ZNF423: variants seen among roughly 807,000 people sequenced by gnomAD.
ZNF423 encodes Ebf-associated zinc finger protein.
ZNF423 carries 12 observed loss-of-function variants against 95.8 expected under a neutral mutation model. That is an observed-to-expected ratio of 0.13 (90% CI 0.08 to 0.20). ZNF423 has a LOEUF of 0.20. ZNF423 is among the 10% of genes least tolerant of loss of function. The pLI is 1.00. For missense variants in ZNF423, 1,316 were observed against 1,737.1 expected, an observed-to-expected ratio of 0.76 and a Z score of 4.31; for synonymous variants, 749 against 711.9, an observed-to-expected ratio of 1.05 and a Z score of -0.83.
intron 2 of ZNF423, among the ~76,000 whole-genome samples, chr16:49,763,466 G>C (rs2033869382): frequency 6.6e-6 from 1 of 151,986 alleles, no homozygotes; most frequent in Non-Finnish European, 1.5e-5. Context: ...CTAGACATGG[G>C]GTTTTGCCTT....
chr16:49,528,109 A>G (rs910239121), intron 5 of ZNF423, among the ~76,000 whole-genome samples: 1 of 152,166 alleles, frequency 6.6e-6, no homozygotes, highest in Admixed American at 6.5e-5. Context: ...TGAGACGGCA[A>G]ACAGGATTTA....
intron 7 of ZNF423, among the ~76,000 whole-genome samples, chr16:49,494,912 A>G (rs1051235323): frequency 5.9e-5 from 9 of 152,222 alleles, no homozygotes; most frequent in African/African-American, 1.2e-4. Flanking sequence ...TAGTTCTCAC[A>G]AGGGCATTCA....
intron 5 of ZNF423, among the ~76,000 whole-genome samples, chr16:49,556,080 T>C (rs1207928392): frequency 6.6e-6 from 1 of 152,074 alleles, no homozygotes; most frequent in African/African-American, 2.4e-5. Context: ...ACTCAACCCA[T>C]CAAAGGGCTG....
At chr16:49,605,402 A>G (rs1435061259) in intron 5 of ZNF423, among the ~76,000 whole-genome samples, 1 of 152,224 alleles carries the variant, frequency 6.6e-6, no homozygotes. Context: ...TCAAAGCCTC[A>G]GCTTCCTGAA....
intron 1 of ZNF423, among the ~76,000 whole-genome samples, chr16:49,826,196 A>G (rs1051659012): frequency 5.3e-5 from 8 of 152,192 alleles, no homozygotes; most frequent in African/African-American, 1.9e-4. Context: ...TGAGTGAAAG[A>G]GCAAGACCCT....
chr16:49,662,002 G>A (rs2151915309), intron 3 of ZNF423, among the ~76,000 whole-genome samples: 1 of 152,306 alleles, frequency 6.6e-6, no homozygotes, highest in Admixed American at 6.5e-5. Flanking sequence ...CATGCTCAAT[G>A]AACAGATCAT....
intron 1 of ZNF423, among the ~76,000 whole-genome samples, chr16:49,849,649 G>T (rs1489890976): frequency 1.3e-5 from 2 of 152,152 alleles, no homozygotes; most frequent in South Asian, 2.1e-4. Flanking sequence ...GACTCTTGAG[G>T]GGGGTGAGGC....
intron 3 of ZNF423, among the ~76,000 whole-genome samples, chr16:49,659,438 A>AC (rs1199471547): frequency 1.3e-5 from 2 of 151,542 alleles, no homozygotes; most frequent in Admixed American, 1.3e-4. Context: ...CTTTCACTAG[A>AC]CCCCCCATTT....
chr16:49,691,039 G>A (rs1345847845), intron 3 of ZNF423, among the ~76,000 whole-genome samples: 1 of 152,258 alleles, frequency 6.6e-6, no homozygotes, highest in Non-Finnish European at 1.5e-5. Context: ...AGACACTGAT[G>A]ACATCCTTCT....
chr16:49,684,933 C>T (rs950706557), intron 3 of ZNF423, among the ~76,000 whole-genome samples: 4 of 152,336 alleles, frequency 2.6e-5, no homozygotes, highest in South Asian at 4.1e-4. Flanking sequence ...ATCTAGACAG[C>T]GGGCGGAATC....
chr16:49,599,925 T>C (rs147845904), intron 5 of ZNF423, among the ~76,000 whole-genome samples: 13 of 152,290 alleles, frequency 8.5e-5, no homozygotes, highest in African/African-American at 2.9e-4. Flanking sequence ...CTCAATTTGT[T>C]GATGTGGGTG....
chr16:49,804,839 G>A (rs1037617990), intron 1 of ZNF423, among the ~76,000 whole-genome samples: 1 of 151,278 alleles, frequency 6.6e-6, no homozygotes, highest in African/African-American at 2.4e-5. Flanking sequence ...TAAAGTGCAT[G>A]GTTCAGGACC....
chr16:49,686,520 C>G (rs117420925), intron 3 of ZNF423, among the ~76,000 whole-genome samples: 1,587 of 152,230 alleles, frequency 0.01, 18 homozygotes, highest in Non-Finnish European at 0.018. Flanking sequence ...AGTACACAGG[C>G]CTGCGTACGC....
At chr16:49,843,857 G>A (rs2035216516) in intron 1 of ZNF423, among the ~76,000 whole-genome samples, 1 of 151,756 alleles carries the variant, frequency 6.6e-6, no homozygotes, top group Non-Finnish European at 1.5e-5. Flanking sequence ...AAGATGAAGA[G>A]GGTCCCAAGG....
chr16:49,565,141 C>T (rs549434080), intron 5 of ZNF423, among the ~76,000 whole-genome samples: 1 of 152,300 alleles, frequency 6.6e-6, no homozygotes, highest in African/African-American at 2.4e-5. Context: ...CAGCACGGCG[C>T]CGCAGCTGCT....
intron 7 of ZNF423, among the ~76,000 whole-genome samples, chr16:49,508,830 T>C (rs1402181043): frequency 6.6e-6 from 1 of 152,176 alleles, no homozygotes; most frequent in African/African-American, 2.4e-5. Flanking sequence ...CCACCAACGC[T>C]GTATTTTATT....
chr16:49,732,503 T>C (rs1294148237), intron 2 of ZNF423, among the ~76,000 whole-genome samples: 1 of 152,194 alleles, frequency 6.6e-6, no homozygotes, highest in Non-Finnish European at 1.5e-5. Context: ...AAGAAAGAGA[T>C]CTTATTATCC....
At chr16:49,858,240 C>T (rs980293122), upstream of ZNF423, among the ~76,000 whole-genome samples, 3 of 149,106 alleles carry the variant, frequency 2.0e-5, no homozygotes, top group Admixed American at 6.7e-5. This position sits in a 1 kb window ranked among gnomAD's most constrained non-coding sequence, Gnocchi z 4.3. Flanking sequence ...GCCGGCCGGG[C>T]CGCGGCGCCC....
chr16:49,536,798 CT>C (rs1439353928), intron 5 of ZNF423, among the ~76,000 whole-genome samples: 1 of 152,172 alleles, frequency 6.6e-6, no homozygotes, highest in Admixed American at 6.5e-5. Context: ...TGGCCAGTGA[CT>C]ACCACTCTGG....
Sources: gnomAD v4.1 joint callset for allele counts (sites outside exome capture counted in the v4.1 genomes callset) on GRCh38, gnomAD v4.1.1 for gene constraint, Gnocchi (gnomAD v3.1) non-coding constraint, MANE v1.5 for transcripts, NCBI Gene and HGNC (gene_info 2026-07-23, HGNC 2026-07-21) for gene names.